Variants in MAST2 observed in about 807,000 individuals in gnomAD.
The protein encoded by MAST2 is microtubule associated serine/threonine kinase 2.
In MAST2, 70 loss-of-function variants were observed where a neutral mutation model predicts 147.4. That is an observed-to-expected ratio of 0.47 (90% CI 0.39 to 0.58). The LOEUF (loss-of-function observed/expected upper bound fraction) is 0.58, where lower values mean the gene tolerates loss of function less well. Among genes scored for constraint, MAST2 ranks in the 20% least tolerant of loss-of-function variants. The pLI is 0.00. For missense variants in MAST2, 2,080 were observed against 2,302.3 expected (o/e 0.90, Z 1.98); for synonymous variants, 869 against 896.8 (o/e 0.97, Z 0.55).
chr1:45,816,394 A>G (rs891734212), intron 1 of MAST2, among the ~76,000 whole-genome samples: 5 of 152,198 alleles, frequency 3.3e-5, no homozygotes, highest in African/African-American at 9.7e-5. Context: ...GGAAAACATG[A>G]CATCACCAAA....
chr1:46,012,772 A>T (rs2149245904), intron 10 of MAST2, among the ~76,000 whole-genome samples: 1 of 152,174 alleles, frequency 6.6e-6, no homozygotes, highest in East Asian at 2.0e-4. Context: ...GGATGGAAGG[A>T]TCACTTGAGC....
intron 16 of MAST2, among the ~76,000 whole-genome samples, chr1:46,027,359 G>C (rs1242442110): frequency 1.3e-5 from 2 of 152,194 alleles, no homozygotes; most frequent in Non-Finnish European, 2.9e-5. Flanking sequence ...GGGCCACTCA[G>C]ATTGGGAGAG....
chr1:45,893,588 G>A (rs1338468450), intron 4 of MAST2, among the ~76,000 whole-genome samples: 1 of 134,614 alleles, frequency 7.4e-6, no homozygotes, highest in East Asian at 2.1e-4. Flanking sequence ...ACTTCTTCCT[G>A]TAGGATATTT....
At chr1:45,871,910 G>T (rs1297830805) in intron 3 of MAST2, among the ~76,000 whole-genome samples, 1 of 152,098 alleles carries the variant, frequency 6.6e-6, no homozygotes, top group African/African-American at 2.4e-5. Flanking sequence ...TGATTTGTTT[G>T]TTTTTCTTGA....
chr1:45,943,688 G>C (rs925074763), intron 4 of MAST2, among the ~76,000 whole-genome samples: 1 of 152,170 alleles, frequency 6.6e-6, no homozygotes, highest in East Asian at 1.9e-4. Flanking sequence ...AGAGGTTGCC[G>C]TGAGCCAAGA....
At chr1:45,873,934 C>T (rs1646498060) in intron 3 of MAST2, among the ~76,000 whole-genome samples, 1 of 152,180 alleles carries the variant, frequency 6.6e-6, no homozygotes, top group Admixed American at 6.5e-5. Flanking sequence ...GATCTTCCCA[C>T]CTCAGCCCCC....
At chr1:45,913,757 C>G in intron 4 of MAST2, 1 of 1,054,688 alleles carries the variant, frequency 9.5e-7, no homozygotes, top group Non-Finnish European at 1.2e-6. Context: ...GCTGACAGAA[C>G]TGCATACCCC....
intron 12 of MAST2, 55 bp downstream of exon 12, chr1:46,022,137 A>T: frequency 6.2e-7 from 1 of 1,602,384 alleles, no homozygotes; most frequent in Middle Eastern, 1.8e-4. Flanking sequence ...GGCAAGCTCT[A>T]ACAGCAGGGA....
rs553106665 is a variant in MAST2, at chr1:45,892,178, CA to C, written c.500+9787del. On this transcript the variant is annotated intron_variant, in intron 4 of 28. Coordinates refer to ENST00000361297, the MANE Select transcript of MAST2 (RefSeq NM_015112.3). Reference sequence around the variant, plus strand: ...CCATTTTTTACAATTATATTCTGGTCAAAAGGAGAACAGATTCTTGTTTAGC... The same window carrying C: ...CCATTTTTTACAATTATATTCTGGTCAAAGGAGAACAGATTCTTGTTTAGC... Among the ~76,000 whole-genome samples, 4 of 152,276 alleles carry C rather than the reference CA, an allele frequency of 2.6e-5. No homozygotes were observed. The South Asian group carries it at 8.3e-4, about 32-fold the overall frequency.
At chr1:45,909,809 C>T (rs953238480) in intron 4 of MAST2, among the ~76,000 whole-genome samples, 13 of 151,868 alleles carry the variant, frequency 8.6e-5, no homozygotes, top group African/African-American at 2.7e-4. Context: ...AGCCACCCCA[C>T]CTGGCCCTTT....
chr1:45,980,681 C>T (rs374865213), intron 5 of MAST2, among the ~76,000 whole-genome samples: 19 of 151,844 alleles, frequency 1.3e-4, no homozygotes, highest in East Asian at 7.8e-4. Context: ...ACTACATGTG[C>T]GCACCACTAT....
In MAST2 at chr1:46,034,154, C is replaced by T. The variant is rs1220680275; in HGVS notation, c.3756C>T (p.Asn1252=). The part of the protein sequence containing the change: ...LHTSRSLSSL[N]RSLSSGESGP... ...CCAGCCGCAGCCTTTCTTCCCTTAACCGCTCCTTGTCATCAGGGGAGAGTG... is the reference window on the plus strand; with the variant it reads ...CCAGCCGCAGCCTTTCTTCCCTTAATCGCTCCTTGTCATCAGGGGAGAGTG... Residue 1252 remains asparagine (N), a synonymous_variant, in exon 28 of 29, where the codon AAC becomes AAT. Transcript: ENST00000361297. 1.9e-6 allele frequency: 3 copies of T among 1,614,066 alleles called. No homozygotes were observed. Among genetic ancestry groups the T allele is most frequent in the Non-Finnish European group, 2.5e-6 (3 of 1,180,030 alleles).
At chr1:45,866,088 A>C (rs1390057427) in intron 3 of MAST2, among the ~76,000 whole-genome samples, 1 of 152,184 alleles carries the variant, frequency 6.6e-6, no homozygotes, top group Non-Finnish European at 1.5e-5. Context: ...GTTTCTTTAA[A>C]GTTCTCAGGT....
chr1:46,018,481 T>C (rs1263543682), intron 10 of MAST2, among the ~76,000 whole-genome samples: 3 of 152,186 alleles, frequency 2.0e-5, no homozygotes, highest in African/African-American at 7.2e-5. Flanking sequence ...AAGGAGTAGG[T>C]CTTAGAGAAT....
intron 4 of MAST2, among the ~76,000 whole-genome samples, chr1:45,889,295 T>C (rs927903447): frequency 6.6e-6 from 1 of 152,060 alleles, no homozygotes; most frequent in Non-Finnish European, 1.5e-5. Flanking sequence ...CAGGTGGTAC[T>C]CGCACCTCAG....
chr1:45,988,097 C>T (rs1348195193), intron 5 of MAST2, among the ~76,000 whole-genome samples: 7 of 152,106 alleles, frequency 4.6e-5, no homozygotes, highest in African/African-American at 7.2e-5. Context: ...ACTGCAGCCT[C>T]GACTTCCTGG....
At chr1:45,837,275 TC>T (rs1645132213) in intron 3 of MAST2, among the ~76,000 whole-genome samples, 1 of 152,226 alleles carries the variant, frequency 6.6e-6, no homozygotes, top group Non-Finnish European at 1.5e-5. Context: ...TGCTGTCTGT[TC>T]TCTCTCCCCA....
intron 3 of MAST2, among the ~76,000 whole-genome samples, chr1:45,878,203 C>CAAAAAAAA (rs34794896): frequency 8.7e-6 from 1 of 114,790 alleles, no homozygotes; most frequent in African/African-American, 3.3e-5. Context: ...GGCTCTATCT[C>CAAAAAAAA]AAAAAAAAAA....
Position 46,035,696 on chromosome 1 carries a change from TGGCAGGTG to T in MAST2, c.5031_5038del (p.Gly1678SerfsTer15). On this transcript the variant is annotated frameshift_variant, in exon 29 of 29. Transcript: ENST00000361297. LOFTEE classifies it low-confidence loss of function (END_TRUNC). This position sits in a 1 kb window ranked among gnomAD's most constrained non-coding sequence, Gnocchi z 5.5. ...GCATCCCCAAGCAGAAAGGCAACCA[TGGCAGGTG>T]GGCTAGCCAACCTCCAGGATTTGGA... 6.2e-7 allele frequency: 1 copy of T among 1,613,876 alleles called. No individual in the cohort carries two copies. Among genetic ancestry groups the T allele is most frequent in the Non-Finnish European group, 8.5e-7 (1 of 1,179,992 alleles).
Sources: gnomAD v4.1 joint callset for allele counts (sites outside exome capture counted in the v4.1 genomes callset) on GRCh38, gnomAD v4.1.1 for gene constraint, Gnocchi (gnomAD v3.1) non-coding constraint, MANE v1.5 for transcripts, NCBI Gene and HGNC (gene_info 2026-07-23, HGNC 2026-07-21) for gene names.